The following CNGB1 variants were observed in gnomAD, a reference collection of about 807,000 sequenced individuals.
CNGB1 encodes the protein cyclic nucleotide-gated channel beta-1.
Under a neutral mutation model 151.7 loss-of-function variants are expected in CNGB1, and 126 were observed. That is an observed-to-expected ratio of 0.83 (90% CI 0.72 to 0.96). CNGB1 has a LOEUF of 0.96. Ranked by LOEUF, CNGB1 falls within the 40% of genes least tolerant of loss-of-function variation. The pLI is 0.00. For missense variants in CNGB1, 1,698 were observed against 1,627.0 expected (o/e 1.04, Z -0.75); for synonymous variants, 623 against 635.1 (o/e 0.98, Z 0.29).
chr16:57,917,789 C>T (rs558924863), intron 20 of CNGB1, among the ~76,000 whole-genome samples: 1 of 139,162 alleles, frequency 7.2e-6, no homozygotes, highest in East Asian at 2.5e-4. Flanking sequence ...TAGCAAGACC[C>T]CCATCTCTAC....
intron 17 of CNGB1, among the ~76,000 whole-genome samples, chr16:57,928,903 T>G (rs535246790): frequency 1.8e-3 from 274 of 152,300 alleles, no homozygotes; most frequent in African/African-American, 5.9e-3. Flanking sequence ...CCTCCCAAAG[T>G]GCTGGGATTA....
rs537756813 is a variant in CNGB1, at chr16:57,970,654, T to A, written c.-9+406A>T. On this transcript the variant is annotated intron_variant, in intron 1 of 32. Coordinates refer to ENST00000251102, the MANE Select transcript of CNGB1 (RefSeq NM_001297.5). The stretch of plus-strand genomic sequence containing the variant: ...CTAAGGAAGCCTCCCCGATCCCCCA[T>A]TTTTCTTTTTCCTCCTAAATGAGAA... Among the ~76,000 whole-genome samples, 4 of 152,226 alleles carry A rather than the reference T, an allele frequency of 2.6e-5. No homozygotes were observed. The East Asian group carries it at 7.7e-4, about 29-fold the overall frequency.
chr16:57,917,514 C>G (rs8062109), intron 20 of CNGB1, 38 bp from the exon 21 acceptor site: 20 of 1,602,178 alleles, frequency 1.2e-5, no homozygotes, highest in Non-Finnish European at 1.6e-5. Context: ...GAGCATCAGC[C>G]AGGCAAGGCT....
At chr16:57,892,551 T>G (rs1014531786) in intron 31 of CNGB1, among the ~76,000 whole-genome samples, 16 of 152,024 alleles carry the variant, frequency 1.1e-4, no homozygotes, top group African/African-American at 3.6e-4. Context: ...ACTACATCCT[T>G]TTACCTCGAA....
intron 14 of CNGB1, among the ~76,000 whole-genome samples, chr16:57,949,131 T>C (rs1348262872): frequency 2.0e-5 from 3 of 147,006 alleles, no homozygotes; most frequent in Non-Finnish European, 4.5e-5. Flanking sequence ...TTCTAGTGTG[T>C]GTGGGGGGGG....
At chr16:57,908,901 C>T (rs1346158600) in intron 25 of CNGB1, among the ~76,000 whole-genome samples, 2 of 152,224 alleles carry the variant, frequency 1.3e-5, no homozygotes, top group African/African-American at 2.4e-5. Context: ...TCCATCAGCA[C>T]GAGGGCTGAG....
At chr16:57,924,879 CT>C (rs1349806813) in intron 17 of CNGB1, among the ~76,000 whole-genome samples, 4 of 152,230 alleles carry the variant, frequency 2.6e-5, no homozygotes, top group African/African-American at 9.7e-5. Context: ...GAGCCTGTTT[CT>C]TTTGCCTTCC....
chr16:57,955,156 G>A, intron 12 of CNGB1: 2 of 1,484,756 alleles, frequency 1.3e-6, no homozygotes, highest in Non-Finnish European at 1.8e-6. Flanking sequence ...AGGCTCTGGG[G>A]CTGGTGCAGG....
intron 17 of CNGB1, among the ~76,000 whole-genome samples, chr16:57,928,309 C>T (rs1256500139): frequency 2.6e-5 from 4 of 152,190 alleles, no homozygotes; most frequent in Non-Finnish European, 4.4e-5. Context: ...GGGCAGAGAG[C>T]GGAAGACCAA....
chr16:57,885,794 A>T (rs1326205652), intron 32 of CNGB1, among the ~76,000 whole-genome samples: 2 of 151,912 alleles, frequency 1.3e-5, no homozygotes, highest in African/African-American at 2.4e-5. Flanking sequence ...GGGGTTTTAC[A>T]TGTTGGTTAG....
chr16:57,933,334 G>T (rs1486258611), intron 16 of CNGB1, among the ~76,000 whole-genome samples: 3 of 152,184 alleles, frequency 2.0e-5, no homozygotes, highest in Non-Finnish European at 4.4e-5. Flanking sequence ...ATAACTGCTT[G>T]GTTATGTCCT....
At chr16:57,891,353 C>T (rs574449250) in intron 31 of CNGB1, among the ~76,000 whole-genome samples, 49 of 152,202 alleles carry the variant, frequency 3.2e-4, no homozygotes, top group Middle Eastern at 3.4e-3. Context: ...AACCATAATA[C>T]ATGAACTTGG....
In CNGB1 at chr16:57,904,035, C is replaced by T. The variant is rs11491148; in HGVS notation, c.2635-54G>A. ...AAGCCACTGGGTCATTGGGGGTGGG[C>T]GCTATTCCATGGATTTGGGATGTGT... On this transcript the variant is annotated intron_variant, in intron 26 of 32. Coordinates refer to ENST00000251102, the MANE Select transcript of CNGB1 (RefSeq NM_001297.5). 3.5e-3 allele frequency: 5,506 copies of T among 1,563,632 alleles called. 137 individuals carry two copies. The African/African-American group carries it at 0.061, about 17-fold the overall frequency.
intron 7 of CNGB1, among the ~76,000 whole-genome samples, chr16:57,962,344 C>T (rs1172918741): frequency 6.6e-6 from 1 of 152,200 alleles, no homozygotes; most frequent in Non-Finnish European, 1.5e-5. Context: ...CCAGGGACCT[C>T]TCAGTCATCC....
At position 57,965,301 on chromosome 16, in the gene CNGB1, A is replaced by G. The variant is rs1193750264; in HGVS notation, c.160-757T>C. ...CAGGCAAAAACATATGTACATATACATGTGTATGTACATATGCATGCATGC... is the reference window on the plus strand; with the variant it reads ...CAGGCAAAAACATATGTACATATACGTGTGTATGTACATATGCATGCATGC... On this transcript the variant is annotated intron_variant, in intron 2 of 32. Coordinates refer to ENST00000251102, the MANE Select transcript of CNGB1 (RefSeq NM_001297.5). Among the ~76,000 whole-genome samples the G allele has an allele frequency of 6.4e-4, 98 of 152,298 alleles. 1 individual carries two copies. The highest frequency in any genetic ancestry group is 1.2e-4 in the Non-Finnish European group (8 of 68,016).
At chr16:57,907,617 A>G (rs567961930) in intron 25 of CNGB1, among the ~76,000 whole-genome samples, 1 of 152,322 alleles carries the variant, frequency 6.6e-6, no homozygotes, top group Admixed American at 6.5e-5. Context: ...AGAAAGGGTA[A>G]GCTCACAGAG....
chr16:57,960,630 C>G, intron 8 of CNGB1, 100 bp from the exon 9 acceptor site: 1 of 1,493,638 alleles, frequency 6.7e-7, no homozygotes, highest in South Asian at 1.2e-5. Context: ...GCGGGTGAGC[C>G]GGGGATGGGG....
intron 31 of CNGB1, among the ~76,000 whole-genome samples, chr16:57,891,100 G>A (rs1283813865): frequency 6.6e-6 from 1 of 152,222 alleles, no homozygotes; most frequent in African/African-American, 2.4e-5. Flanking sequence ...CCACCCAGCA[G>A]GATGGGTAAC....
intron 23 of CNGB1, among the ~76,000 whole-genome samples, chr16:57,914,732 G>A (rs1960815420): frequency 6.6e-6 from 1 of 152,174 alleles, no homozygotes; most frequent in Non-Finnish European, 1.5e-5. Context: ...ATGACACTGA[G>A]GCCTGGCCAG....
Sources: allele counts gnomAD v4.1 joint callset (sites outside exome capture counted in the v4.1 genomes callset), GRCh38; gene constraint gnomAD v4.1.1; transcripts MANE v1.5; gene names NCBI Gene and HGNC (gene_info 2026-07-23, HGNC 2026-07-21).